Variants in UACA observed in about 807,000 individuals in gnomAD.
UACA encodes the protein nuclear membrane binding protein.
Under a neutral mutation model 160.5 loss-of-function variants are expected in UACA, and 112 were observed. The observed-to-expected ratio is 0.70, with a 90% CI of 0.60 to 0.82. UACA has a LOEUF of 0.82. UACA is among the 40% of genes least tolerant of loss of function. The pLI is 0.00. For synonymous variants in UACA, 557 were observed against 568.4 expected (o/e 0.98, Z 0.29); for missense variants, 1,574 against 1,614.6 (o/e 0.97, Z 0.43).
At chr15:70,697,703 A>G (rs1898179264) in intron 2 of UACA, among the ~76,000 whole-genome samples, 1 of 152,228 alleles carries the variant, frequency 6.6e-6, no homozygotes, top group Non-Finnish European at 1.5e-5. Context: ...TTAAGAATAC[A>G]GTTTGTGTGT....
intron 1 of UACA, among the ~76,000 whole-genome samples, chr15:70,752,237 CAAAAAAAAAA>C (rs35156370): frequency 9.4e-6 from 1 of 105,958 alleles, no homozygotes; most frequent in Non-Finnish European, 2.0e-5. Flanking sequence ...AAAACTCCAT[CAAAAAAAAAA>C]AAAAAAAAAA....
At chr15:70,714,705 G>T (rs1898776952) in intron 1 of UACA, among the ~76,000 whole-genome samples, 5 of 152,112 alleles carry the variant, frequency 3.3e-5, no homozygotes, top group Admixed American at 2.6e-4. Context: ...GAAAGACTCA[G>T]AAACCACTGC....
chr15:70,667,561 C>T lies in UACA; in HGVS notation c.3123G>A (p.Gln1041=). The T allele has an allele frequency of 6.2e-7, 1 of 1,613,058 alleles. No homozygotes were observed. The highest frequency in any genetic ancestry group is 8.5e-7 in the Non-Finnish European group (1 of 1,179,938). The change falls in exon 16 of 19, where the codon CAG becomes CAA. Residue 1041 remains glutamine, a synonymous_variant. Coordinates refer to ENST00000322954, the MANE Select transcript of UACA (RefSeq NM_018003.4). ...GAACTGTCTTATCTCTCAAATCTTT[C>T]TGAAGGGTAAAAATCTCCTTCTTTA... is the stretch of plus-strand genomic sequence containing the variant. ...DKLKKEIFTL[Q]KDLRDKTVLI...
At position 70,691,344 on chromosome 15, in the gene UACA, C is replaced by T. The variant is rs767241211; in HGVS notation, c.321G>A (p.Leu107=). The change falls in exon 4 of 19, where the codon CTG becomes CTA. Residue 107 remains leucine, a synonymous_variant. Coordinates refer to ENST00000322954, the MANE Select transcript of UACA (RefSeq NM_018003.4). ...ACAATGCATGTCCATACTTAGCAGC[C>T]AGGTGAAGAGCATTTCTCCCTATAA... is the stretch of plus-strand genomic sequence containing the variant. ...SDTAGRNALH[L]AAKYGHALCL... 6.2e-7 allele frequency: 1 copy of T among 1,608,994 alleles called. No homozygotes were observed. Among genetic ancestry groups the T allele is most frequent in the Admixed American group, 1.7e-5 (1 of 59,610 alleles).
At chr15:70,659,032 T>C (rs1283823482) in intron 18 of UACA, among the ~76,000 whole-genome samples, 2 of 152,202 alleles carry the variant, frequency 1.3e-5, no homozygotes, top group African/African-American at 4.8e-5. Flanking sequence ...CTTCCTCTCA[T>C]GGCCAATACT....
intron 13 of UACA, among the ~76,000 whole-genome samples, 189 bp from the exon 14 acceptor site, chr15:70,672,190 G>T (rs1322692276): frequency 6.6e-6 from 1 of 151,896 alleles, no homozygotes; most frequent in Non-Finnish European, 1.5e-5. Context: ...GATCAGCTGG[G>T]AATAAAGTAC....
In UACA at chr15:70,763,341, C is replaced by T. The variant is rs554846539; in HGVS notation, c.67G>A (p.Ala23Thr). Reference sequence around the variant, plus strand: ...ACCGCGGGACTCACCGCGCTGGCGGCGGCGGCGCCAGACGACGCGGGGCCG... The same window carrying T: ...ACCGCGGGACTCACCGCGCTGGCGGTGGCGGCGCCAGACGACGCGGGGCCG... ...VPGPASSGAA[A>T]ASAHAADWNK... The change falls in exon 1 of 19, where the codon GCC (alanine) becomes ACC (threonine). Residue 23 changes from alanine (A) to threonine (T), a missense_variant. Ala to Thr is a moderately conservative substitution (Grantham distance 58, BLOSUM62 0). Transcript: ENST00000322954. The T allele has an allele frequency of 1.7e-5, 23 of 1,333,518 alleles. No individual in the cohort carries two copies. The highest frequency in any genetic ancestry group is 2.2e-5 in the Non-Finnish European group (23 of 1,036,488). 82.6% of individuals were successfully genotyped at this position (1,333,518 alleles called of 1,614,324 possible).
chr15:70,723,524 C>T (rs557670892), intron 1 of UACA, among the ~76,000 whole-genome samples: 4 of 152,266 alleles, frequency 2.6e-5, no homozygotes, highest in Admixed American at 2.0e-4. Context: ...CTTTTCATAG[C>T]GAAGTTCTTC....
intron 18 of UACA, among the ~76,000 whole-genome samples, chr15:70,657,411 G>A (rs538826260): frequency 9.9e-5 from 15 of 152,154 alleles, no homozygotes; most frequent in African/African-American, 3.1e-4. Flanking sequence ...AGGAGTTCGA[G>A]ACCAGCCTGG....
At chr15:70,775,797 T>C in the UACA span, among the ~76,000 whole-genome samples, 5 of 152,212 alleles carry the variant, frequency 3.3e-5, no homozygotes, top group East Asian at 9.6e-4. Context: ...AGCTTCCCCA[T>C]GTGAGCGCCT....
chr15:70,761,610 C>A (rs371215806), intron 1 of UACA, among the ~76,000 whole-genome samples: 2 of 152,074 alleles, frequency 1.3e-5, no homozygotes, highest in Non-Finnish European at 2.9e-5. Context: ...TTCCTCATTA[C>A]GCTTTTATTT....
chr15:70,737,230 A>G lies in UACA; in HGVS notation c.78+26100T>C, dbSNP rs77356456. On this transcript the variant is annotated intron_variant, in intron 1 of 18. Transcript: ENST00000322954. ...TCCCTTTTAAGTGTAACAGTACCCT[A>G]CTTGGGAACTATTCCTGTATTATCA... Among the ~76,000 whole-genome samples the G allele has an allele frequency of 5.9e-5, 9 of 152,302 alleles. No individual in the cohort carries two copies. The East Asian group carries it at 1.7e-3, about 29-fold the overall frequency.
At chr15:70,699,762 A>T in intron 1 of UACA, 102 bp from the exon 2 acceptor site, 1 of 1,270,694 alleles carries the variant, frequency 7.9e-7, no homozygotes, top group Non-Finnish European at 1.1e-6. Flanking sequence ...TGCATAATAC[A>T]TCACTTATTT....
chr15:70,720,303 A>G (rs1898951178), intron 1 of UACA, among the ~76,000 whole-genome samples: 1 of 152,194 alleles, frequency 6.6e-6, no homozygotes, highest in African/African-American at 2.4e-5. Context: ...GTATTTCTTT[A>G]TAGCAATGTG....
intron 13 of UACA, among the ~76,000 whole-genome samples, chr15:70,673,164 C>T (rs745345631): frequency 5.9e-5 from 9 of 152,082 alleles, no homozygotes; most frequent in Non-Finnish European, 1.2e-4. Flanking sequence ...ACCCAAGGTA[C>T]TCAGGAGGCT....
chr15:70,678,894 C>T (rs1054163132), intron 10 of UACA, among the ~76,000 whole-genome samples: 10 of 152,082 alleles, frequency 6.6e-5, no homozygotes, highest in Middle Eastern at 3.2e-3. Context: ...ATTTAATTTA[C>T]ATTAATGATC....
At chr15:70,699,087 G>A (rs1228341645) in intron 2 of UACA, among the ~76,000 whole-genome samples, 1 of 152,182 alleles carries the variant, frequency 6.6e-6, no homozygotes, top group African/African-American at 2.4e-5. Context: ...TGGGAGAAAA[G>A]ACAGGGTAAT....
At chr15:70,739,686 A>G (rs1325618322) in intron 1 of UACA, among the ~76,000 whole-genome samples, 1 of 152,236 alleles carries the variant, frequency 6.6e-6, no homozygotes, top group African/African-American at 2.4e-5. Context: ...TTTAATAAAA[A>G]ACATTACCAT....
chr15:70,676,581 A>C lies in UACA; in HGVS notation c.1043T>G (p.Leu348Arg). 6.2e-7 allele frequency: 1 copy of C among 1,612,164 alleles called. No homozygotes were observed. Among genetic ancestry groups the C allele is most frequent in the Non-Finnish European group, 8.5e-7 (1 of 1,179,266 alleles). The change falls in exon 13 of 19, where the codon CTG (leucine) becomes CGG (arginine). Residue 348 changes from leucine to arginine, a missense_variant. Transcript: ENST00000322954. The stretch of plus-strand genomic sequence containing the variant: ...TTCTTTAGCTGCCAAAAGGGACTTC[A>C]GCTTTTCTCTCTGAAATGAAACAGA... Reference protein sequence around the residue: ...ADDLESEREKLKSLLAAKEKQ... With the variant: ...ADDLESEREKRKSLLAAKEKQ...
Sources: allele counts gnomAD v4.1 joint callset (sites outside exome capture counted in the v4.1 genomes callset), GRCh38; gene constraint gnomAD v4.1.1; transcripts MANE v1.5; gene names NCBI Gene and HGNC (gene_info 2026-07-23, HGNC 2026-07-21).